The following SLC44A5 variants were observed in gnomAD, a reference collection of about 807,000 sequenced individuals.
SLC44A5 encodes the protein solute carrier family 44 member 5.
SLC44A5 carries 57 observed loss-of-function variants against 101.8 expected under a neutral mutation model. The observed-to-expected ratio is 0.56, with a 90% confidence interval of 0.45 to 0.70. The LOEUF (loss-of-function observed/expected upper bound fraction) is 0.70. Among genes scored for constraint, SLC44A5 ranks in the 30% least tolerant of loss-of-function variants. The pLI, the probability that SLC44A5 is intolerant of heterozygous loss-of-function variation, is 0.00. For synonymous variants in SLC44A5, 281 were observed against 290.9 expected (o/e 0.97, Z 0.35); for missense variants, 737 against 853.1 (o/e 0.86, Z 1.70).
chr1:75,719,623 G>A, the SLC44A5 span, among the ~76,000 whole-genome samples: 36,939 of 152,104 alleles, frequency 0.24, 4,895 homozygotes, highest in Non-Finnish European at 0.31. Flanking sequence ...TTAGTTGGCT[G>A]CTTACTCGAA....
chr1:75,398,434 G>C, intron 2 of SLC44A5: 1 of 982,532 alleles, frequency 1.0e-6, no homozygotes, highest in Non-Finnish European at 1.2e-6. Flanking sequence ...GCCAATGAGA[G>C]GAGAAGGGAA....
At chr1:75,345,311 G>C (rs1257637345) in intron 3 of SLC44A5, among the ~76,000 whole-genome samples, 1 of 152,012 alleles carries the variant, frequency 6.6e-6, no homozygotes. Context: ...CAAATTAACT[G>C]GTATAAAATG....
chr1:75,422,928 T>A (rs75080123), intron 2 of SLC44A5, among the ~76,000 whole-genome samples: 2,676 of 152,286 alleles, frequency 0.018, 83 homozygotes, highest in African/African-American at 0.061. Context: ...AAGCCAGACC[T>A]CTTCTCTTCC....
Position 75,251,247 on chromosome 1 carries a change from G to T in SLC44A5, c.308C>A (p.Pro103His). The T allele has an allele frequency of 6.2e-7, 1 of 1,613,370 alleles. No individual in the cohort carries two copies. Among genetic ancestry groups the T allele is most frequent in the Middle Eastern group, 1.7e-4 (1 of 6,058 alleles). Reference sequence around the variant, plus strand: ...GCACTGTAGGTTTAGCAACACGGAGGGACTGGTACAGCGTAACAGGTTAAA... The same window carrying T: ...GCACTGTAGGTTTAGCAACACGGAGTGACTGGTACAGCGTAACAGGTTAAA... ...FYFNLLRCTSPSVLLNLQCPT... is the reference protein window; with the variant it reads ...FYFNLLRCTSHSVLLNLQCPT... The change falls in exon 7 of 24, where the codon CCC becomes CAC. Residue 103 changes from proline to histidine, a missense_variant. Coordinates refer to ENST00000370859, the MANE Select transcript of SLC44A5 (RefSeq NM_001130058.2).
At chr1:75,535,772 A>T (rs1334881824) in intron 2 of SLC44A5, among the ~76,000 whole-genome samples, 1 of 152,204 alleles carries the variant, frequency 6.6e-6, no homozygotes, top group East Asian at 1.9e-4. Flanking sequence ...ACATTACTGA[A>T]TGAGTTTTTC....
chr1:75,369,656 C>G (rs1660099084), intron 3 of SLC44A5, among the ~76,000 whole-genome samples: 1 of 152,102 alleles, frequency 6.6e-6, no homozygotes, highest in Admixed American at 6.5e-5. Context: ...TTTTGGCACA[C>G]AGTTAAGTGT....
At chr1:75,368,649 A>G (rs1034259414) in intron 3 of SLC44A5, among the ~76,000 whole-genome samples, 2 of 147,594 alleles carry the variant, frequency 1.4e-5, no homozygotes, top group Admixed American at 7.0e-5. Context: ...GCATGCACAC[A>G]CACACACACA....
intron 4 of SLC44A5, among the ~76,000 whole-genome samples, chr1:75,323,788 T>G (rs1478974306): frequency 1.3e-5 from 2 of 152,224 alleles, no homozygotes; most frequent in African/African-American, 4.8e-5. Flanking sequence ...TATGTTTATC[T>G]CTAAAGTTTA....
At chr1:75,607,322 C>A (rs1044781586) in intron 1 of SLC44A5, among the ~76,000 whole-genome samples, 6 of 151,968 alleles carry the variant, frequency 3.9e-5, no homozygotes, top group African/African-American at 1.4e-4. Flanking sequence ...TAAGTTCTAC[C>A]TTAAAAATAT....
chr1:75,356,174 C>T (rs887095389), intron 3 of SLC44A5, among the ~76,000 whole-genome samples: 6 of 136,938 alleles, frequency 4.4e-5, no homozygotes, highest in Non-Finnish European at 9.1e-5. Flanking sequence ...GATAGTGCTA[C>T]TGCACTCCAG....
chr1:75,239,744 G>T (rs1648446104), intron 9 of SLC44A5, among the ~76,000 whole-genome samples: 1 of 152,034 alleles, frequency 6.6e-6, no homozygotes, highest in Non-Finnish European at 1.5e-5. Context: ...TGATCCCAAT[G>T]ACCTCTGAAT....
intron 3 of SLC44A5, among the ~76,000 whole-genome samples, chr1:75,363,050 A>G (rs1659610690): frequency 6.6e-6 from 1 of 152,022 alleles, no homozygotes; most frequent in Admixed American, 6.6e-5. Context: ...TGGCCTTTTA[A>G]TCATATCTTT....
the SLC44A5 span, among the ~76,000 whole-genome samples, chr1:75,670,182 C>G: frequency 3.3e-5 from 5 of 151,938 alleles, no homozygotes; most frequent in Non-Finnish European, 7.4e-5. Context: ...ACCTTTTGAA[C>G]CTGTAAATAA....
the SLC44A5 span, among the ~76,000 whole-genome samples, chr1:75,628,676 T>A: frequency 3.9e-5 from 6 of 152,168 alleles, no homozygotes; most frequent in African/African-American, 1.4e-4. Flanking sequence ...AAGGTTCATG[T>A]CATAACATTC....
chr1:75,243,099 T>C (rs1648786360), intron 7 of SLC44A5, 88 bp from the exon 8 acceptor site: 2 of 1,425,800 alleles, frequency 1.4e-6, no homozygotes, highest in Middle Eastern at 1.8e-4. Context: ...TTATCCACCA[T>C]AACAAAAAGC....
At chr1:75,476,159 G>T (rs998375794) in intron 2 of SLC44A5, among the ~76,000 whole-genome samples, 16 of 151,770 alleles carry the variant, frequency 1.1e-4, no homozygotes, top group African/African-American at 3.6e-4. Context: ...CTCCAGCCTG[G>T]GAGACAGAAA....
chr1:75,602,269 G>A (rs1392445792), intron 1 of SLC44A5, among the ~76,000 whole-genome samples: 1 of 152,102 alleles, frequency 6.6e-6, no homozygotes, highest in Non-Finnish European at 1.5e-5. Flanking sequence ...TTAAAACATA[G>A]GGAGCCTTGG....
chr1:75,482,078 T>C (rs1237262695), intron 2 of SLC44A5, among the ~76,000 whole-genome samples: 1 of 152,116 alleles, frequency 6.6e-6, no homozygotes, highest in Non-Finnish European at 1.5e-5. Context: ...CACCATGGAA[T>C]ACTATGCAGC....
chr1:75,697,414 T>C, the SLC44A5 span, among the ~76,000 whole-genome samples: 1 of 152,208 alleles, frequency 6.6e-6, no homozygotes, highest in Non-Finnish European at 1.5e-5. Flanking sequence ...TAAGAACATA[T>C]AATCAGAAGG....
Sources: gnomAD v4.1 joint callset for allele counts (sites outside exome capture counted in the v4.1 genomes callset) on GRCh38, gnomAD v4.1.1 for gene constraint, MANE v1.5 for transcripts, NCBI Gene and HGNC (gene_info 2026-07-23, HGNC 2026-07-21) for gene names.